Variants in PTBP2 observed in about 807,000 individuals in gnomAD.
The protein encoded by PTBP2 is polypyrimidine tract binding protein 2, also known as polypyrimidine tract-binding protein 2.
A neutral mutation model predicts 61.4 loss-of-function variants in PTBP2; 13 were observed. That is an observed-to-expected ratio of 0.21 (90% confidence interval 0.14 to 0.34). The LOEUF is 0.34. Ranked by LOEUF, PTBP2 falls within the 10% of genes least tolerant of loss-of-function variation. The pLI is 1.00. For synonymous variants in PTBP2, 215 were observed against 218.5 expected, an observed-to-expected ratio of 0.98 and a Z score of 0.14; for missense variants, 405 against 642.6, an observed-to-expected ratio of 0.63 and a Z score of 4.00.
exon 14 of PTBP2, chr1:96,820,657 C>T (rs1662657230): frequency 1.4e-5 from 2 of 139,624 alleles, no homozygotes; most frequent in East Asian, 1.9e-4. Flanking sequence ...CATCTGACAC[C>T]TTCTTTTTTT....
chr1:96,748,969 C>A (rs1654187373), intron 2 of PTBP2, among the ~76,000 whole-genome samples: 1 of 152,078 alleles, frequency 6.6e-6, no homozygotes, highest in South Asian at 2.1e-4. Flanking sequence ...TGTAAAAATA[C>A]TCCAGTAATT....
chr1:96,737,494 A>G (rs1652387873), intron 2 of PTBP2, among the ~76,000 whole-genome samples: 1 of 152,164 alleles, frequency 6.6e-6, no homozygotes, highest in Admixed American at 6.6e-5. Flanking sequence ...GGAAAGACAC[A>G]AAGTGAGCTT....
chr1:96,758,698 C>A (rs1371967139), intron 3 of PTBP2, among the ~76,000 whole-genome samples: 3 of 151,994 alleles, frequency 2.0e-5, no homozygotes, highest in Non-Finnish European at 4.4e-5. Context: ...CTACTAAGAA[C>A]CTACAACAAA....
chr1:96,733,021 C>CTTTT (rs35353502), intron 2 of PTBP2, among the ~76,000 whole-genome samples: 4 of 139,464 alleles, frequency 2.9e-5, no homozygotes, highest in Non-Finnish European at 3.1e-5. Flanking sequence ...TTCTTTCTTT[C>CTTTT]TTTTTTTTTT....
chr1:96,726,036 C>T (rs1277507221), intron 2 of PTBP2, among the ~76,000 whole-genome samples: 2 of 119,150 alleles, frequency 1.7e-5, no homozygotes, highest in African/African-American at 3.3e-5. Context: ...GATTGCACCA[C>T]TGCACTCCAG....
chr1:96,784,540 T>C (rs1364385123), intron 7 of PTBP2, among the ~76,000 whole-genome samples: 1 of 152,160 alleles, frequency 6.6e-6, no homozygotes, highest in Non-Finnish European at 1.5e-5. Flanking sequence ...ACTAGTTTTT[T>C]TCTTTTTTGC....
intron 3 of PTBP2, among the ~76,000 whole-genome samples, chr1:96,765,524 A>G (rs554902637): frequency 6.6e-6 from 1 of 152,276 alleles, no homozygotes; most frequent in South Asian, 2.1e-4. Flanking sequence ...CAGCCTGGCC[A>G]ACATGGTGAA....
chr1:96,739,257 GTTTC>G (rs1014278075), intron 2 of PTBP2, among the ~76,000 whole-genome samples: 17 of 151,810 alleles, frequency 1.1e-4, no homozygotes, highest in African/African-American at 4.1e-4. Context: ...ATATTTTCTT[GTTTC>G]TTTAAAAAAC....
chr1:96,739,923 CA>C (rs1454450278), intron 2 of PTBP2, among the ~76,000 whole-genome samples: 1 of 152,018 alleles, frequency 6.6e-6, no homozygotes, highest in Non-Finnish European at 1.5e-5. Flanking sequence ...CGCGCCTGGC[CA>C]ATCTGAAACT....
intron 3 of PTBP2, among the ~76,000 whole-genome samples, chr1:96,760,026 G>A (rs1310439179): frequency 1.3e-5 from 2 of 152,112 alleles, no homozygotes; most frequent in South Asian, 2.1e-4. Flanking sequence ...TCACTGTCAC[G>A]AGAACAGCAT....
downstream of PTBP2, chr1:96,816,739 G>A (rs1662501639): frequency 6.6e-6 from 1 of 152,078 alleles, no homozygotes; most frequent in African/African-American, 2.4e-5. Flanking sequence ...ACTAGGGAAA[G>A]GACAAATCAC....
chr1:96,785,178 T>C lies in PTBP2; in HGVS notation c.828T>C (p.Asp276=). The C allele has an allele frequency of 1.2e-6, 2 of 1,611,602 alleles. No individual in the cohort carries two copies. Among genetic ancestry groups the C allele is most frequent in the South Asian group, 2.2e-5 (2 of 90,548 alleles). Residue 276 remains aspartate, a synonymous_variant, in exon 8 of 14, where the codon GAT becomes GAC. Coordinates refer to ENST00000674951, the MANE Select transcript of PTBP2 (RefSeq NM_021190.4). ...AAAGTAGGGATTATACTCGACCTGA[T>C]CTTCCATCTGGGGATGGACAACCTG... ...NDKSRDYTRP[D]LPSGDGQPAL...
exon 14 of PTBP2, chr1:96,821,301 G>A (rs2101322381): frequency 6.6e-6 from 1 of 152,134 alleles, no homozygotes. Flanking sequence ...GTGTATATAT[G>A]AGATTAATTT....
intron 11 of PTBP2, among the ~76,000 whole-genome samples, chr1:96,812,360 C>T (rs1662166344): frequency 6.6e-6 from 1 of 152,110 alleles, no homozygotes. Context: ...GGAAGGCTAT[C>T]ACAATATTTA....
chr1:96,820,009 G>A (rs1027696756), downstream of PTBP2: 3 of 151,850 alleles, frequency 2.0e-5, no homozygotes, highest in Non-Finnish European at 4.4e-5. Flanking sequence ...GAGTTTTATA[G>A]TGTAATATAT....
intron 8 of PTBP2, among the ~76,000 whole-genome samples, chr1:96,802,680 CATGCCAT>C (rs916295560): frequency 2.6e-5 from 4 of 152,116 alleles, no homozygotes; most frequent in African/African-American, 4.8e-5. Flanking sequence ...ACTTCTTCTG[CATGCCAT>C]ATTGAAGTTG....
At chr1:96,807,086 G>A (rs1571022944) in intron 11 of PTBP2, 128 bp downstream of exon 11, 2 of 662,628 alleles carry the variant, frequency 3.0e-6, no homozygotes, top group East Asian at 3.1e-5. Context: ...GGCTCAAAAT[G>A]TCATTTTAAT....
chr1:96,762,527 G>T (rs866598968), intron 3 of PTBP2, among the ~76,000 whole-genome samples: 11 of 142,880 alleles, frequency 7.7e-5, no homozygotes, highest in Admixed American at 5.5e-4. Context: ...GGACGGGGCG[G>T]CTGGCCGGGC....
rs74104479 is a variant in PTBP2, at chr1:96,731,754, A to G, written c.39+8160A>G. Among the ~76,000 whole-genome samples the G allele has an allele frequency of 5.2e-3, 797 of 152,264 alleles. 7 individuals carry two copies. Among genetic ancestry groups the G allele is most frequent in the African/African-American group, 0.018 (756 of 41,560 alleles). ...GTTAGCTCAGTGAGACTATTAAGAAAGAATATTTGTGAGTTTGTAATAGGA... is the reference window on the plus strand; with the variant it reads ...GTTAGCTCAGTGAGACTATTAAGAAGGAATATTTGTGAGTTTGTAATAGGA... On this transcript the variant is annotated intron_variant, in intron 2 of 13. Coordinates refer to ENST00000674951, the MANE Select transcript of PTBP2 (RefSeq NM_021190.4).
Sources: gnomAD v4.1 joint callset for allele counts (sites outside exome capture counted in the v4.1 genomes callset) on GRCh38, gnomAD v4.1.1 for gene constraint, MANE v1.5 for transcripts, NCBI Gene and HGNC (gene_info 2026-07-23, HGNC 2026-07-21) for gene names.